GABBR2: variants seen among roughly 807,000 people sequenced by gnomAD.
The protein encoded by GABBR2 is G-protein coupled receptor 51.
A neutral mutation model predicts 105.6 loss-of-function variants in GABBR2; 23 were observed. The observed-to-expected ratio is 0.22, with a 90% CI of 0.16 to 0.31. The LOEUF is 0.31. Among genes scored for constraint, GABBR2 ranks in the 10% least tolerant of loss-of-function variants. The pLI is 1.00. For synonymous variants in GABBR2, 478 were observed against 499.7 expected (o/e 0.96, Z 0.58); for missense variants, 734 against 1,245.5 (o/e 0.59, Z 6.18).
rs938277111 is a variant in GABBR2, at chr9:98,454,341, C to T, written c.1000-124G>A. On this transcript the variant is annotated intron_variant, in intron 6 of 18. Transcript: ENST00000259455. This position sits in a 1 kb window ranked among gnomAD's most constrained non-coding sequence, Gnocchi z 4.6. Reference sequence around the variant, plus strand: ...GTGCCAGGTACAGTGCTAGATTCTACGTGCATTATCTCATTTAACCCTCAC... The same window carrying T: ...GTGCCAGGTACAGTGCTAGATTCTATGTGCATTATCTCATTTAACCCTCAC... 25 of 709,778 alleles carry T rather than the reference C, an allele frequency of 3.5e-5. No homozygotes were observed. The highest frequency in any genetic ancestry group is 8.1e-5 in the South Asian group (5 of 61,730). 44.0% of individuals were successfully genotyped at this position (709,778 alleles called of 1,614,324 possible).
chr9:98,437,045 G>A (rs1233053009), intron 7 of GABBR2, among the ~76,000 whole-genome samples: 1 of 152,118 alleles, frequency 6.6e-6, no homozygotes, highest in Non-Finnish European at 1.5e-5. Context: ...AGGGTGAAGT[G>A]TGAGTGAGGA....
At chr9:98,573,892 T>C (rs1038453040) in intron 2 of GABBR2, among the ~76,000 whole-genome samples, 1 of 152,234 alleles carries the variant, frequency 6.6e-6, no homozygotes, top group African/African-American at 2.4e-5. Flanking sequence ...TAAGATTTTT[T>C]TTGCCTCGCC....
chr9:98,424,836 T>C (rs1238325158), intron 7 of GABBR2, among the ~76,000 whole-genome samples: 1 of 152,046 alleles, frequency 6.6e-6, no homozygotes, highest in Non-Finnish European at 1.5e-5. Flanking sequence ...TAAAAGAGGA[T>C]AGAAACAAAT....
intron 1 of GABBR2, among the ~76,000 whole-genome samples, chr9:98,650,571 AAAG>A (rs1830090561): frequency 6.6e-6 from 1 of 152,216 alleles, no homozygotes. Context: ...AAAAAAAAGA[AAAG>A]GAGGAGGGAA....
At chr9:98,379,764 C>T (rs1831939693) in intron 11 of GABBR2, among the ~76,000 whole-genome samples, 1 of 152,106 alleles carries the variant, frequency 6.6e-6, no homozygotes, top group Admixed American at 6.5e-5. Context: ...CCTCACAACC[C>T]TATTATTATC....
intron 8 of GABBR2, among the ~76,000 whole-genome samples, chr9:98,398,718 C>T (rs1219862806): frequency 6.6e-6 from 1 of 152,180 alleles, no homozygotes. Context: ...TTCACTTCCA[C>T]CCCATCCCAA....
At chr9:98,341,434 G>C (rs952368864) in intron 13 of GABBR2, among the ~76,000 whole-genome samples, 1 of 152,222 alleles carries the variant, frequency 6.6e-6, no homozygotes, top group Non-Finnish European at 1.5e-5. Context: ...TCCTCTCCCA[G>C]AGGGCTCAAG....
At chr9:98,294,689 G>T (rs143520229) in intron 17 of GABBR2, among the ~76,000 whole-genome samples, 1 of 152,150 alleles carries the variant, frequency 6.6e-6, no homozygotes, top group Non-Finnish European at 1.5e-5. Flanking sequence ...TATTGGTCAG[G>T]GTGGTCTCGA....
At chr9:98,684,002 C>A (rs2418211) in intron 1 of GABBR2, among the ~76,000 whole-genome samples, 108,696 of 128,008 alleles carry the variant, frequency 0.85, 46,017 homozygotes, top group Middle Eastern at 0.93. Context: ...AGCGAGACTC[C>A]ATCTCAAAAA....
intron 3 of GABBR2, among the ~76,000 whole-genome samples, chr9:98,531,720 G>A (rs887787980): frequency 4.6e-5 from 7 of 152,250 alleles, no homozygotes; most frequent in South Asian, 4.1e-4. Context: ...CCCAGGATCT[G>A]TCCCTATGGA....
chr9:98,479,704 G>A (rs1465896002), intron 5 of GABBR2, among the ~76,000 whole-genome samples: 1 of 152,186 alleles, frequency 6.6e-6, no homozygotes, highest in Non-Finnish European at 1.5e-5. Flanking sequence ...CTCCCTAGGT[G>A]GGGTCTCTCC....
chr9:98,575,928 G>A (rs745895367), intron 2 of GABBR2, among the ~76,000 whole-genome samples: 11 of 152,146 alleles, frequency 7.2e-5, no homozygotes, highest in Admixed American at 1.3e-4. Context: ...CCTCTGCAGC[G>A]GCGCTCTCCC....
chr9:98,677,368 T>C (rs886619997), intron 1 of GABBR2, among the ~76,000 whole-genome samples: 1 of 152,234 alleles, frequency 6.6e-6, no homozygotes, highest in African/African-American at 2.4e-5. Context: ...GCTTTTCACA[T>C]ATTAATAACT....
chr9:98,436,396 T>TAGATAG (rs1825925639), intron 7 of GABBR2, among the ~76,000 whole-genome samples: 3 of 54,752 alleles, frequency 5.5e-5, no homozygotes, highest in African/African-American at 2.3e-4. Flanking sequence ...TATATATATA[T>TAGATAG]ATATATATAT....
chr9:98,642,790 T>G (rs908266393), intron 1 of GABBR2, among the ~76,000 whole-genome samples: 5 of 152,200 alleles, frequency 3.3e-5, no homozygotes. Context: ...CATTATGAAA[T>G]GCACATCTTA....
intron 7 of GABBR2, among the ~76,000 whole-genome samples, chr9:98,445,376 G>T (rs1232112465): frequency 6.6e-6 from 1 of 152,182 alleles, no homozygotes; most frequent in African/African-American, 2.4e-5. Context: ...AGGACCATTG[G>T]TTCTAAAGTT....
chr9:98,489,645 G>T (rs74743306), intron 4 of GABBR2, among the ~76,000 whole-genome samples: 1 of 151,544 alleles, frequency 6.6e-6, no homozygotes, highest in Admixed American at 6.6e-5. Context: ...CTCAAGTTTC[G>T]AACGTAATAT....
At chr9:98,389,106 A>T in intron 9 of GABBR2, 102 bp from the exon 10 acceptor site, 1 of 965,558 alleles carries the variant, frequency 1.0e-6, no homozygotes, top group Non-Finnish European at 1.6e-6. Context: ...CCTGCGCACA[A>T]ACTCTACACA....
intron 6 of GABBR2, among the ~76,000 whole-genome samples, chr9:98,469,456 A>G (rs1262306923): frequency 6.6e-6 from 1 of 152,142 alleles, no homozygotes; most frequent in Admixed American, 6.5e-5. Context: ...CTGGGTGGAG[A>G]CACAGAGCCA....
Sources: allele counts gnomAD v4.1 joint callset (sites outside exome capture counted in the v4.1 genomes callset), GRCh38; gene constraint gnomAD v4.1.1; non-coding constraint Gnocchi (gnomAD v3.1); transcripts MANE v1.5; gene names NCBI Gene and HGNC (gene_info 2026-07-23, HGNC 2026-07-21).